NEK9: variants seen among roughly 807,000 people sequenced by gnomAD.
The protein encoded by NEK9 is NIMA related kinase 9.
Under a neutral mutation model 123.4 loss-of-function variants are expected in NEK9, and 75 were observed. The observed-to-expected ratio is 0.61, with a 90% confidence interval of 0.50 to 0.74. The LOEUF (loss-of-function observed/expected upper bound fraction) is 0.74, where lower values mean the gene tolerates loss of function less well. NEK9 is among the 30% of genes least tolerant of loss of function. The probability of loss-of-function intolerance (pLI) is 0.00; values close to 1 mark genes in which losing one functional copy is unlikely to be tolerated. For missense variants in NEK9, 952 were observed against 1,214.4 expected (o/e 0.78, Z 3.21); for synonymous variants, 438 against 458.7 (o/e 0.95, Z 0.58).
Position 75,110,603 on chromosome 14 carries a change from G to A in NEK9, c.939-232C>T, listed in dbSNP as rs954073125. On this transcript the variant is annotated intron_variant, in intron 8 of 21. Transcript: ENST00000238616. ...AGCAGTTTGGGGCCATTTGCTTTCT[G>A]TCTCTGAGAAATGGTCCAGGCTGGA... Among the ~76,000 whole-genome samples the A allele has an allele frequency of 1.4e-4, 22 of 151,868 alleles. 1 individual carries two copies. The highest frequency in any genetic ancestry group is 1.4e-3 in the Admixed American group (22 of 15,230).
At position 75,091,437 on chromosome 14, in the gene NEK9, C is replaced by G. The variant is rs777758507; in HGVS notation, c.2275G>C (p.Gly759Arg). Residue 759 changes from glycine (G) to arginine (R), a missense_variant, in exon 19 of 22, where the codon GGT (glycine) becomes CGT (arginine). Coordinates refer to ENST00000238616, the MANE Select transcript of NEK9 (RefSeq NM_033116.6). ...SSPGGGGGGG[G>R]GEEEDSQQES... The stretch of plus-strand genomic sequence containing the variant: ...TGCTGACTGTCCTCTTCTTCACCAC[C>G]GCCGCCCCCGCCGCCTCCTCCCGGG... 1.2e-6 allele frequency: 2 copies of G among 1,606,454 alleles called. No homozygotes were observed. Among genetic ancestry groups the G allele is most frequent in the Non-Finnish European group, 1.7e-6 (2 of 1,176,722 alleles).
intron 14 of NEK9, 32 bp from the exon 15 acceptor site, chr14:75,101,797 T>C (rs764568819): frequency 4.7e-6 from 7 of 1,490,074 alleles, no homozygotes; most frequent in African/African-American, 1.4e-5. Context: ...AGCAGATGCA[T>C]GAGGTAAGAA....
At chr14:75,090,492 T>G (rs186526814) in intron 19 of NEK9, among the ~76,000 whole-genome samples, 201 of 152,228 alleles carry the variant, frequency 1.3e-3, no homozygotes, top group Non-Finnish European at 2.3e-3. Flanking sequence ...ATCATACAGA[T>G]ATATCATCCT....
At chr14:75,089,702 A>ATT (rs781617599) in intron 19 of NEK9, among the ~76,000 whole-genome samples, 2,569 of 137,230 alleles carry the variant, frequency 0.019, 75 homozygotes, top group African/African-American at 0.062. Flanking sequence ...TGCCCAGCTA[A>ATT]TTTTTTTTTT....
At chr14:75,124,306 G>A (rs1895443923) in intron 1 of NEK9, 83 bp from the exon 2 acceptor site, 1 of 1,306,740 alleles carries the variant, frequency 7.7e-7, no homozygotes, top group South Asian at 1.3e-5. Context: ...AGCCTAGAAG[G>A]AAAACTTCCT....
rs541057528 is a variant in NEK9 at position 75,120,726 on chromosome 14, T to C, written c.454-146A>G. On this transcript the variant is annotated intron_variant, in intron 3 of 21. Coordinates refer to ENST00000238616, the MANE Select transcript of NEK9 (RefSeq NM_033116.6). ...TGACATCTCTTCCTTGCAGGTTGAG[T>C]AGGCAAAGAAAAGTGAAGGGGTAAA... 5 of 650,482 alleles carry C rather than the reference T, an allele frequency of 7.7e-6. No homozygotes were observed. The South Asian group carries it at 1.0e-4, about 13-fold the overall frequency. The allele number at this position is 650,482 out of a possible 1,614,324, so 40.3% of individuals were successfully genotyped here.
At chr14:75,088,107 A>G (rs944968369) in intron 20 of NEK9, among the ~76,000 whole-genome samples, 3 of 152,210 alleles carry the variant, frequency 2.0e-5, no homozygotes, top group Non-Finnish European at 4.4e-5. Context: ...TGTCATTTTT[A>G]CCAAGGTTAG....
intron 16 of NEK9, among the ~76,000 whole-genome samples, chr14:75,097,875 G>GT (rs1894440101): frequency 6.6e-6 from 1 of 152,118 alleles, no homozygotes; most frequent in South Asian, 2.1e-4. Context: ...CACAAACAAG[G>GT]AACAAGGAGA....
intron 3 of NEK9, chr14:75,120,820 G>A (rs993462446): frequency 3.4e-6 from 2 of 585,448 alleles, no homozygotes; most frequent in Admixed American, 6.1e-5. Flanking sequence ...TGGTAAAGCA[G>A]ACATGTAGGA....
intron 2 of NEK9, among the ~76,000 whole-genome samples, chr14:75,123,404 CAAA>C (rs374021221): frequency 0.064 from 9,610 of 150,996 alleles, 369 homozygotes; most frequent in Non-Finnish European, 0.094. Flanking sequence ...AACTCCATCT[CAAA>C]AAAAATAATA....
chr14:75,121,449 G>T (rs1340225022), intron 2 of NEK9, among the ~76,000 whole-genome samples: 1 of 152,156 alleles, frequency 6.6e-6, no homozygotes, highest in African/African-American at 2.4e-5. Flanking sequence ...CATTCTTGTT[G>T]TTCCCAACAA....
At chr14:75,095,322 A>G (rs576584936) in intron 18 of NEK9, 50 bp downstream of exon 18, 3 of 1,391,164 alleles carry the variant, frequency 2.2e-6, no homozygotes, top group African/African-American at 2.9e-5. Flanking sequence ...AATCTAACCA[A>G]AAGACCCACA....
chr14:75,124,333 ACTC>A (rs1895444464), intron 1 of NEK9, 110 bp from the exon 2 acceptor site: 1 of 850,394 alleles, frequency 1.2e-6, no homozygotes, highest in Non-Finnish European at 1.8e-6. Context: ...GCACAGACTG[ACTC>A]CTCTTATTTT....
intron 6 of NEK9, among the ~76,000 whole-genome samples, chr14:75,116,081 C>T (rs1290010835): frequency 6.6e-6 from 1 of 152,026 alleles, no homozygotes; most frequent in African/African-American, 2.4e-5. Context: ...AAAGTAAGTA[C>T]AATAAAGTGA....
chr14:75,111,589 G>A (rs1451045413), intron 8 of NEK9, among the ~76,000 whole-genome samples: 2 of 152,164 alleles, frequency 1.3e-5, no homozygotes, highest in Admixed American at 6.5e-5. Context: ...GATTAAAATA[G>A]TGACTTAAAA....
chr14:75,114,316 A>C lies in NEK9; in HGVS notation c.763-3T>G. ...TTCACACACAGGTTAAGTGGGTTCT[A>C]TGAGAAAATGATGACTGCATTGTTC... On this transcript the variant is annotated splice_region_variant and splice_polypyrimidine_tract_variant and intron_variant, in intron 6 of 21. Transcript: ENST00000238616. 1 of 1,608,034 alleles carries C rather than the reference A, an allele frequency of 6.2e-7. No homozygotes were observed.
rs1340522229 is a variant in NEK9, at chr14:75,101,727, C to T, written c.1770G>A (p.Leu590=). 5 of 1,613,792 alleles carry T rather than the reference C, an allele frequency of 3.1e-6. No homozygotes were observed. The African/African-American group carries it at 4.0e-5, about 13-fold the overall frequency. ...HEVPYTTSFT[L]AKQLSFYKIR... ...TCTTATAAAAGGACAACTGTTTGGC[C>T]AAGGTAAAGGACGTTGTGTAGGGAA... Residue 590 remains leucine (L), a synonymous_variant, in exon 15 of 22, where the codon TTG becomes TTA. Transcript: ENST00000238616.
intron 6 of NEK9, among the ~76,000 whole-genome samples, chr14:75,116,197 A>G (rs1256287124): frequency 6.6e-6 from 1 of 152,238 alleles, no homozygotes; most frequent in Non-Finnish European, 1.5e-5. Context: ...CATACCTGTA[A>G]TCCTAGCACA....
At chr14:75,100,845 A>G in intron 16 of NEK9, 147 bp downstream of exon 16, 2 of 744,574 alleles carry the variant, frequency 2.7e-6, no homozygotes, top group Non-Finnish European at 4.2e-6. Context: ...ATAAAGCTCA[A>G]TATATATAAC....
Sources: allele counts gnomAD v4.1 joint callset (sites outside exome capture counted in the v4.1 genomes callset), GRCh38; gene constraint gnomAD v4.1.1; transcripts MANE v1.5; gene names NCBI Gene and HGNC (gene_info 2026-07-23, HGNC 2026-07-21).